CLEC3B: variants seen among roughly 807,000 people sequenced by gnomAD.
CLEC3B encodes the protein tetranectin.
In CLEC3B, 13 loss-of-function variants were observed where a neutral mutation model predicts 15.4. The ratio of observed to expected loss-of-function variants is 0.84; its 90% CI spans 0.55 to 1.34. The LOEUF is 1.34. CLEC3B is among the 40% of genes most tolerant of loss of function. The pLI is 0.00. For missense variants in CLEC3B, 242 were observed against 268.6 expected, an observed-to-expected ratio of 0.90 and a Z score of 0.69; for synonymous variants, 112 against 114.7, an observed-to-expected ratio of 0.98 and a Z score of 0.15.
intron 2 of CLEC3B, among the ~76,000 whole-genome samples, chr3:45,032,413 A>T (rs1697571839): frequency 6.6e-6 from 1 of 152,062 alleles, no homozygotes. Context: ...GGAGTCACTA[A>T]TCCCTCATCT....
intron 1 of CLEC3B, chr3:45,030,350 C>T (rs909243058): frequency 2.0e-5 from 9 of 452,056 alleles, no homozygotes; most frequent in African/African-American, 1.5e-4. Context: ...CTGAGCAGCT[C>T]GCCCAGGCCA....
rs571359641 is a variant in CLEC3B at position 45,035,470 on chromosome 3, T to C, written c.209-54T>C. 7.7e-6 allele frequency: 12 copies of C among 1,550,418 alleles called. No homozygotes were observed. The South Asian group carries it at 1.5e-4, about 19-fold the overall frequency. Reference sequence around the variant, plus strand: ...TGGGCTTGGCCTGGGCGGTTGGCTCTTTGCCTGGGGAACAGGGGGACCTTC... The same window carrying C: ...TGGGCTTGGCCTGGGCGGTTGGCTCCTTGCCTGGGGAACAGGGGGACCTTC... On this transcript the variant is annotated intron_variant, in intron 2 of 2. Transcript: ENST00000296130.
chr3:45,032,211 C>G (rs1310656651), intron 2 of CLEC3B, among the ~76,000 whole-genome samples: 1 of 152,172 alleles, frequency 6.6e-6, no homozygotes, highest in African/African-American at 2.4e-5. Context: ...CCCCGCCTGC[C>G]TCCTCAGAAA....
At chr3:45,029,539 C>T (rs185874187) in intron 1 of CLEC3B, among the ~76,000 whole-genome samples, 1 of 152,294 alleles carries the variant, frequency 6.6e-6, no homozygotes. Context: ...TGTTTTTGCT[C>T]CAGTTTGGTA....
intron 1 of CLEC3B, among the ~76,000 whole-genome samples, chr3:45,028,269 G>C (rs188047986): frequency 3.9e-5 from 6 of 152,314 alleles, no homozygotes; most frequent in Admixed American, 3.3e-4. Flanking sequence ...GAATCCAGGT[G>C]CCTTGGCCAG....
At chr3:45,030,263 C>G (rs1239941015) in intron 1 of CLEC3B, 1 of 974,128 alleles carries the variant, frequency 1.0e-6, no homozygotes, top group Non-Finnish European at 1.2e-6. Flanking sequence ...TTTCAGTTCT[C>G]TTAGTCTTCT....
intron 1 of CLEC3B, 125 bp from the exon 2 acceptor site, chr3:45,030,702 G>A (rs1450473904): frequency 1.5e-6 from 1 of 663,238 alleles, no homozygotes; most frequent in Non-Finnish European, 2.6e-6. Context: ...CAAGGATAGA[G>A]AGAGAGAAAG....
chr3:45,031,064 G>A (rs1290229923), intron 2 of CLEC3B, 139 bp downstream of exon 2: 3 of 601,950 alleles, frequency 5.0e-6, no homozygotes, highest in Non-Finnish European at 8.6e-6. Flanking sequence ...GAAGGCACCA[G>A]GTTCAGGGAG....
intron 2 of CLEC3B, 69 bp from the exon 3 acceptor site, chr3:45,035,455 C>G: frequency 6.5e-7 from 1 of 1,540,914 alleles, no homozygotes; most frequent in Non-Finnish European, 8.7e-7. Flanking sequence ...TGGGCTTGGC[C>G]TGGGCGGTTG....
intron 2 of CLEC3B, among the ~76,000 whole-genome samples, chr3:45,032,919 CA>C (rs1697582992): frequency 6.6e-6 from 1 of 152,224 alleles, no homozygotes; most frequent in Non-Finnish European, 1.5e-5. Flanking sequence ...AGCCCAACCA[CA>C]TCTGTCTCAT....
At chr3:45,029,755 A>G (rs1405743943) in intron 1 of CLEC3B, among the ~76,000 whole-genome samples, 1 of 152,186 alleles carries the variant, frequency 6.6e-6, no homozygotes, top group Admixed American at 6.5e-5. Flanking sequence ...GGTGTTTCAG[A>G]AAGACCAGGG....
chr3:45,028,053 A>G (rs1697506953), intron 1 of CLEC3B, among the ~76,000 whole-genome samples: 1 of 152,232 alleles, frequency 6.6e-6, no homozygotes, highest in African/African-American at 2.4e-5. Context: ...CTACAGGCCA[A>G]CAGAACAGCC....
chr3:45,026,553 T>C lies in CLEC3B; in HGVS notation c.109+82T>C, dbSNP rs1447279190. On this transcript the variant is annotated intron_variant, in intron 1 of 2. Transcript: ENST00000296130. ...TAGTGTGTCCTCATGCTCCTTTCCT[T>C]CATTTTCCTCCTTTTGAGTCATCTA... 3 of 1,263,382 alleles carry C rather than the reference T, an allele frequency of 2.4e-6. No homozygotes were observed. The East Asian group carries it at 7.4e-5, about 31-fold the overall frequency. 78.3% of individuals were successfully genotyped at this position (1,263,382 alleles called of 1,614,324 possible). A position where few individuals can be genotyped will look rare whatever the true frequency, so the allele number is the denominator to read the frequency against.
chr3:45,027,029 A>G (rs1390527045), intron 1 of CLEC3B, among the ~76,000 whole-genome samples: 1 of 152,218 alleles, frequency 6.6e-6, no homozygotes, highest in African/African-American at 2.4e-5. Context: ...AGTCCACCAG[A>G]AGCAGCTTTG....
rs1323196768 is a variant in CLEC3B, at chr3:45,030,881, C to A, written c.164C>A (p.Ala55Asp). Residue 55 changes from alanine to aspartate, a missense_variant, in exon 2 of 3, where the codon GCC becomes GAC. By Grantham distance (126) the Ala-to-Asp change is moderately radical. Transcript: ENST00000296130. ...EELKSRLDTL[A>D]QEVALLKEQQ... Reference sequence around the variant, plus strand: ...CTCAAGAGCCGTCTGGACACCCTGGCCCAGGAGGTGGCCCTGCTGAAGGAG... The same window carrying A: ...CTCAAGAGCCGTCTGGACACCCTGGACCAGGAGGTGGCCCTGCTGAAGGAG... 3 of 1,594,456 alleles carry A rather than the reference C, an allele frequency of 1.9e-6. No individual in the cohort carries two copies. Among genetic ancestry groups the A allele is most frequent in the South Asian group, 2.3e-5 (2 of 87,592 alleles).
At chr3:45,032,242 G>A (rs1049862906) in intron 2 of CLEC3B, among the ~76,000 whole-genome samples, 8 of 151,970 alleles carry the variant, frequency 5.3e-5, no homozygotes, top group African/African-American at 1.2e-4. Context: ...CCTTCTCACC[G>A]GATGGTTTTA....
chr3:45,028,294 G>A (rs1697511514), intron 1 of CLEC3B, among the ~76,000 whole-genome samples: 1 of 152,244 alleles, frequency 6.6e-6, no homozygotes, highest in Non-Finnish European at 1.5e-5. Flanking sequence ...GGTGGCTCAA[G>A]CCTGTAATCT....
chr3:45,035,959 G>T lies in CLEC3B; in HGVS notation c.*35G>T. The T allele has an allele frequency of 6.5e-7, 1 of 1,533,844 alleles. No homozygotes were observed. The highest frequency in any genetic ancestry group is 1.2e-5 in the South Asian group (1 of 82,736). ...CGGGGGCCGTGGGGGGCCTGGAGGA[G>T]GGCAGGGGCCGCGGGAGGCCGGGAG... On this transcript the variant is annotated 3_prime_UTR_variant, in exon 3 of 3. Transcript: ENST00000296130.
chr3:45,027,407 A>T (rs985588742), intron 1 of CLEC3B, among the ~76,000 whole-genome samples: 2 of 152,266 alleles, frequency 1.3e-5, no homozygotes, highest in East Asian at 3.8e-4. Context: ...GGGGCCTCAC[A>T]ACACTGTGAC....
Sources: gnomAD v4.1 joint callset for allele counts (sites outside exome capture counted in the v4.1 genomes callset) on GRCh38, gnomAD v4.1.1 for gene constraint, MANE v1.5 for transcripts, NCBI Gene and HGNC (gene_info 2026-07-23, HGNC 2026-07-21) for gene names.